The following OPN1SW variants were observed in gnomAD, a reference collection of about 807,000 sequenced individuals.
OPN1SW encodes short-wave-sensitive opsin 1.
In OPN1SW, 25 loss-of-function variants were observed where a neutral mutation model predicts 31.9. The observed-to-expected ratio is 0.78, with a 90% CI of 0.57 to 1.09. The LOEUF (loss-of-function observed/expected upper bound fraction) is 1.09, where lower values mean the gene tolerates loss of function less well. OPN1SW is among the 50% of genes least tolerant of loss of function. The pLI is 0.00. For synonymous variants in OPN1SW, 190 were observed against 171.9 expected (o/e 1.11, Z -0.82); for missense variants, 424 against 448.0 (o/e 0.95, Z 0.48).
chr7:128,774,612 C>T lies in OPN1SW; in HGVS notation c.564G>A (p.Val188=). Residue 188 remains valine (V), a synonymous_variant, in exon 3 of 5, where the codon GTG becomes GTA. Transcript: ENST00000249389. ...AGGACTCGCTGCGGTATTTGGTGCC[C>T]ACGGTGTACCAGTCAGGGCCACAGG... is the stretch of plus-strand genomic sequence containing the variant. The part of the protein sequence containing the change: ...QCSCGPDWYT[V]GTKYRSESYT... The T allele has an allele frequency of 6.2e-7, 1 of 1,614,112 alleles. No individual in the cohort carries two copies. The highest frequency in any genetic ancestry group is 8.5e-7 in the Non-Finnish European group (1 of 1,180,022).
chr7:128,775,588 G>A lies in OPN1SW; in HGVS notation c.194C>T (p.Pro65Leu), dbSNP rs746791972. Residue 65 changes from proline to leucine, a missense_variant, in exon 1 of 5, where the codon CCC (proline) becomes CTC (leucine). Physicochemically the swap from Pro to Leu is moderately conservative, Grantham distance 98. Transcript: ENST00000249389. Reference sequence around the variant, plus strand: ...CACGTTGACCAGAATGTAGTTGAGGGGCTGCCGCAACTTTTTGTAGCGCAG... The same window carrying A: ...CACGTTGACCAGAATGTAGTTGAGGAGCTGCCGCAACTTTTTGTAGCGCAG... ...ATLRYKKLRQ[P>L]LNYILVNVSF... is the part of the protein sequence containing the mutation. The A allele has an allele frequency of 1.2e-5, 20 of 1,614,032 alleles. No homozygotes were observed. Among genetic ancestry groups the A allele is most frequent in the Non-Finnish European group, 1.7e-5 (20 of 1,180,016 alleles).
chr7:128,772,755 C>T (rs1801638820), intron 4 of OPN1SW, 96 bp from the exon 5 acceptor site: 1 of 1,533,010 alleles, frequency 6.5e-7, no homozygotes, highest in South Asian at 1.1e-5. Context: ...TTGCACAATG[C>T]TTTGTACCCA....
intron 3 of OPN1SW, 55 bp from the exon 4 acceptor site, chr7:128,773,943 C>CTTT (rs539944204): frequency 4.8e-5 from 66 of 1,378,782 alleles, no homozygotes; most frequent in Admixed American, 1.3e-4. Flanking sequence ...CCTCTGGATG[C>CTTT]TTTTTTTTTT....
At chr7:128,775,186 C>CA in intron 1 of OPN1SW, 32 bp from the exon 2 acceptor site, 3 of 1,606,976 alleles carry the variant, frequency 1.9e-6, no homozygotes, top group Non-Finnish European at 1.7e-6. Flanking sequence ...ATGGGCTAGA[C>CA]AGAGCCCCAC....
Position 128,775,167 on chromosome 7 carries a change from G to A in OPN1SW, c.344-13C>T. 6.2e-7 allele frequency: 1 copy of A among 1,613,694 alleles called. No homozygotes were observed. The highest frequency in any genetic ancestry group is 8.5e-7 in the Non-Finnish European group (1 of 1,179,764). ...CCTGTAACCAGACCTGTGGTGAAATGTGAGGATAATGGGCTAGACAGAGCC... is the reference window on the plus strand; with the variant it reads ...CCTGTAACCAGACCTGTGGTGAAATATGAGGATAATGGGCTAGACAGAGCC... On this transcript the variant is annotated splice_polypyrimidine_tract_variant and intron_variant, in intron 1 of 4. Coordinates refer to ENST00000249389, the MANE Select transcript of OPN1SW (RefSeq NM_001385125.1).
At chr7:128,773,095 G>A (rs1453410563) in intron 4 of OPN1SW, among the ~76,000 whole-genome samples, 1 of 152,124 alleles carries the variant, frequency 6.6e-6, no homozygotes, top group East Asian at 1.9e-4. Context: ...TTATTAGCTC[G>A]GATTTCAGAT....
Position 128,772,508 on chromosome 7 carries a change from C to G in OPN1SW, c.*32G>C, listed in dbSNP as rs775045727. 26 of 1,613,686 alleles carry G rather than the reference C, an allele frequency of 1.6e-5. No individual in the cohort carries two copies. The Admixed American group carries it at 3.8e-4, about 24-fold the overall frequency. The stretch of plus-strand genomic sequence containing the variant: ...ACTTACTTAAAAGTAAAATTTAATT[C>G]TAGCTGTTGCAAACAGGCCAATATT... On this transcript the variant is annotated 3_prime_UTR_variant, in exon 5 of 5. Coordinates refer to ENST00000249389, the MANE Select transcript of OPN1SW (RefSeq NM_001385125.1).
chr7:128,775,530 A>C lies in OPN1SW; in HGVS notation c.252T>G (p.Ser84=). 1 of 1,614,100 alleles carries C rather than the reference A, an allele frequency of 6.2e-7. No homozygotes were observed. Among genetic ancestry groups the C allele is most frequent in the Non-Finnish European group, 8.5e-7 (1 of 1,179,984 alleles). Residue 84 remains serine, a synonymous_variant, in exon 1 of 5, where the codon TCT becomes TCG. Transcript: ENST00000249389. ...SFGGFLLCIF[S]VFPVFVASCN... is the part of the protein sequence containing the mutation. ...AGCTGGCGACGAAGACAGGGAAGAC[A>C]GAGAAGATGCAGAGGAGGAAGCCTC...
Position 128,774,524 on chromosome 7 carries a change from T to C in OPN1SW, c.652A>G (p.Thr218Ala). The C allele has an allele frequency of 6.2e-7, 1 of 1,613,600 alleles. No individual in the cohort carries two copies. The highest frequency in any genetic ancestry group is 1.1e-5 in the South Asian group (1 of 91,042). Residue 218 changes from threonine (T) to alanine (A), a missense_variant, in exon 3 of 5, where the codon ACT becomes GCT. By Grantham distance (58) the Thr-to-Ala change is moderately conservative. Transcript: ENST00000249389. Reference protein sequence around the residue: ...VPLSLICFSYTQLLRALKAVA... With the variant: ...VPLSLICFSYAQLLRALKAVA... ...GCTTTCAGGGCCCTCAGCAGCTGAG[T>C]GTAGGAGAAGCAGATGAGGGAGAGA...
intron 3 of OPN1SW, 24 bp from the exon 4 acceptor site, chr7:128,773,912 C>T: frequency 1.2e-6 from 2 of 1,602,704 alleles, no homozygotes; most frequent in Non-Finnish European, 1.7e-6. Context: ...CGGAAAGCAT[C>T]ACATCTCTCT....
intron 2 of OPN1SW, 88 bp from the exon 3 acceptor site, chr7:128,774,751 C>T: frequency 6.4e-7 from 1 of 1,564,002 alleles, no homozygotes; most frequent in East Asian, 2.3e-5. Flanking sequence ...CCACTTAGAA[C>T]CCACGGAATG....
At position 128,772,590 on chromosome 7, in the gene OPN1SW, G is replaced by T. The variant is rs1315875835; in HGVS notation, c.988C>A (p.Gln330Lys). 6.2e-7 allele frequency: 1 copy of T among 1,614,078 alleles called. No homozygotes were observed. Among genetic ancestry groups the T allele is most frequent in the Non-Finnish European group, 8.5e-7 (1 of 1,180,028 alleles). The change falls in exon 5 of 5, where the codon CAG becomes AAG. Residue 330 changes from glutamine (Q) to lysine (K), a missense_variant. Coordinates refer to ENST00000249389, the MANE Select transcript of OPN1SW (RefSeq NM_001385125.1). The stretch of plus-strand genomic sequence containing the variant: ...GAGACAGTAGAAACTTCTGTTTTCT[G>T]GGAGCTGCATGTGTCGGATTCATCT... ...MTDESDTCSS[Q>K]KTEVSTVSST...
chr7:128,773,921 CTT>C (rs766098579), intron 3 of OPN1SW, 33 bp from the exon 4 acceptor site: 3 of 1,591,104 alleles, frequency 1.9e-6, no homozygotes, highest in Admixed American at 1.7e-5. Flanking sequence ...TCACATCTCT[CTT>C]TTTCCTGGCC....
At position 128,774,659 on chromosome 7, in the gene OPN1SW, T is replaced by A; in HGVS notation, c.517A>T (p.Ile173Phe). Residue 173 changes from isoleucine to phenylalanine, a missense_variant, in exon 3 of 5, where the codon ATC (isoleucine) becomes TTC (phenylalanine). Coordinates refer to ENST00000249389, the MANE Select transcript of OPN1SW (RefSeq NM_001385125.1). ...CAGGAACACTGCAGGCCCTCAGGGA[T>A]GAACCTGCAAAGGACCAAACACTTG... Reference protein sequence around the residue: ...IPPFFGWSRFIPEGLQCSCGP... With the variant: ...IPPFFGWSRFFPEGLQCSCGP... 1 of 1,614,086 alleles carries A rather than the reference T, an allele frequency of 6.2e-7. No homozygotes were observed. The highest frequency in any genetic ancestry group is 8.5e-7 in the Non-Finnish European group (1 of 1,180,016).
Position 128,774,543 on chromosome 7 carries a change from GGA to G in OPN1SW, c.631_632del (p.Ser211ProfsTer30), listed in dbSNP as rs867580247. ...GCTGAGTGTAGGAGAAGCAGATGAGGGAGAGAGGCACAATGAAGCAGAAGATG... is the reference window on the plus strand; with the variant it reads ...GCTGAGTGTAGGAGAAGCAGATGAGGGAGAGGCACAATGAAGCAGAAGATG... ...LFIFCFIVPL[S>X]LICFSYTQLL... On this transcript the variant is annotated frameshift_variant, in exon 3 of 5. Transcript: ENST00000249389. LOFTEE classifies it high-confidence loss of function. 1.2e-6 allele frequency: 2 copies of G among 1,613,940 alleles called. No individual in the cohort carries two copies. Among genetic ancestry groups the G allele is most frequent in the African/African-American group, 2.7e-5 (2 of 74,914 alleles).
intron 4 of OPN1SW, 126 bp downstream of exon 4, chr7:128,773,523 G>T: frequency 1.5e-6 from 2 of 1,293,166 alleles, no homozygotes; most frequent in Non-Finnish European, 2.2e-6. Context: ...ACCTACTCGG[G>T]GGTTTTGTGG....
At position 128,773,689 on chromosome 7, in the gene OPN1SW, CA is replaced by C. The variant is rs765407100; in HGVS notation, c.877del (p.Cys293AlafsTer11). 6.2e-7 allele frequency: 1 copy of C among 1,614,192 alleles called. No individual in the cohort carries two copies. The highest frequency in any genetic ancestry group is 1.1e-5 in the South Asian group (1 of 91,086). On this transcript the variant is annotated frameshift_variant, in exon 4 of 5. Transcript: ENST00000249389. LOFTEE classifies it high-confidence loss of function. The part of the protein sequence containing the change: ...TIPSFFSKSA[C>X]IYNPIIYCFM... The stretch of plus-strand genomic sequence containing the variant: ...GCAGTAGATGATGGGATTGTAGATG[CA>C]AGCACTCTTGGAGAAGAATGAAGGA...
Position 128,773,542 on chromosome 7 carries a change from G to A in OPN1SW, c.918+107C>T, listed in dbSNP as rs544600148. 9.1e-5 allele frequency: 135 copies of A among 1,490,846 alleles called. No individual in the cohort carries two copies. In the African/African-American group the frequency reaches 1.2e-3, roughly 14 times the overall value. The allele number at this position is 1,490,846 out of a possible 1,614,324, so 92.4% of individuals were successfully genotyped here. On this transcript the variant is annotated intron_variant, in intron 4 of 4. Transcript: ENST00000249389. ...ACTCGGGGGTTTTGTGGCTTCCCTC[G>A]TCTACTAGAAACCTGGGTAGAGTCC...
In OPN1SW at chr7:128,775,427, C is replaced by A. The variant is rs756422043; in HGVS notation, c.343+12G>T. 3.7e-6 allele frequency: 6 copies of A among 1,604,462 alleles called. No homozygotes were observed. Among genetic ancestry groups the A allele is most frequent in the Non-Finnish European group, 5.1e-6 (6 of 1,175,638 alleles). The stretch of plus-strand genomic sequence containing the variant: ...CTTTGCCTTCCCCTAACCCCTTTTT[C>A]CCCTGCAGTACCTGCTACAGTGCCC... On this transcript the variant is annotated intron_variant, in intron 1 of 4. Transcript: ENST00000249389.
Sources: allele counts gnomAD v4.1 joint callset (sites outside exome capture counted in the v4.1 genomes callset), GRCh38; gene constraint gnomAD v4.1.1; transcripts MANE v1.5; gene names NCBI Gene and HGNC (gene_info 2026-07-23, HGNC 2026-07-21).